Variants in FBXO11 observed in about 807,000 individuals in gnomAD.
The protein encoded by FBXO11 is F-box protein 11, also known as F-box only protein 11.
FBXO11 carries 13 observed loss-of-function variants against 117.0 expected under a neutral mutation model. The observed-to-expected ratio is 0.11, with a 90% CI of 0.07 to 0.18. FBXO11 has a LOEUF of 0.18. FBXO11 is among the 10% of genes least tolerant of loss of function. The pLI is 1.00. For synonymous variants in FBXO11, 490 were observed against 380.5 expected, an observed-to-expected ratio of 1.29 and a Z score of -3.35; for missense variants, 767 against 1,164.4, an observed-to-expected ratio of 0.66 and a Z score of 4.97.
At chr2:47,825,323 C>G (rs1030425721) in intron 11 of FBXO11, among the ~76,000 whole-genome samples, 7 of 151,866 alleles carry the variant, frequency 4.6e-5, no homozygotes, top group Non-Finnish European at 7.4e-5. Flanking sequence ...ATAGCGTCTT[C>G]AAATATAAAA....
At chr2:47,901,773 T>C (rs1024432339) in intron 1 of FBXO11, among the ~76,000 whole-genome samples, 1 of 151,986 alleles carries the variant, frequency 6.6e-6, no homozygotes, top group Non-Finnish European at 1.5e-5. Context: ...TCTAAAAAAA[T>C]TACAAAATAC....
chr2:47,822,082 T>C (rs1308757605), intron 13 of FBXO11, 136 bp downstream of exon 13: 8 of 654,826 alleles, frequency 1.2e-5, no homozygotes, highest in South Asian at 3.6e-5. Flanking sequence ...TAAGACCTCA[T>C]TTCTTTAAAA....
chr2:47,816,618 A>G (rs1187071543), intron 16 of FBXO11, among the ~76,000 whole-genome samples: 3 of 151,842 alleles, frequency 2.0e-5, no homozygotes, highest in Non-Finnish European at 4.4e-5. Flanking sequence ...TTACATACAA[A>G]GACTTAAAAA....
rs140531362 is a variant in FBXO11 at position 47,807,347 on chromosome 2, G to C, written c.*771C>G. 8.9e-5 allele frequency: 19 copies of C among 212,362 alleles called. No individual in the cohort carries two copies. The East Asian group carries it at 1.3e-3, about 15-fold the overall frequency. The allele number at this position is 212,362 out of a possible 1,614,324, so 13.2% of individuals were successfully genotyped here. On this transcript the variant is annotated 3_prime_UTR_variant, in exon 23 of 23. Transcript: ENST00000403359. ...GTTACAAGAATACTTTTGTTTTACA[G>C]TGCATCCCTTCCTAGGAAGTCTCAT...
At chr2:47,892,715 C>T (rs917846525) in intron 1 of FBXO11, among the ~76,000 whole-genome samples, 5 of 152,272 alleles carry the variant, frequency 3.3e-5, no homozygotes, top group South Asian at 2.1e-4. Context: ...TTAATTTAAA[C>T]CTGTCCTCCT....
intron 1 of FBXO11, among the ~76,000 whole-genome samples, chr2:47,846,442 G>C (rs1673417109): frequency 6.6e-6 from 1 of 152,066 alleles, no homozygotes. Flanking sequence ...ACTCCAGCCT[G>C]GGCAACAAAA....
chr2:47,841,335 C>T (rs1254628670), intron 1 of FBXO11, among the ~76,000 whole-genome samples: 1 of 152,146 alleles, frequency 6.6e-6, no homozygotes, highest in Non-Finnish European at 1.5e-5. Context: ...TAGAAACATT[C>T]CAGTAATGAA....
chr2:47,847,103 G>T (rs1185602492), intron 1 of FBXO11, among the ~76,000 whole-genome samples: 1 of 152,178 alleles, frequency 6.6e-6, no homozygotes, highest in African/African-American at 2.4e-5. Flanking sequence ...AAATCAGCCA[G>T]GTGTGGTGGT....
chr2:47,889,079 C>T (rs1339174388), intron 1 of FBXO11, among the ~76,000 whole-genome samples: 1 of 151,948 alleles, frequency 6.6e-6, no homozygotes, highest in Non-Finnish European at 1.5e-5. Flanking sequence ...GCTAGCAGTA[C>T]TTTTTTTTAT....
rs1484719602 is a variant in FBXO11, at chr2:47,808,202, T to C, written c.2700A>G (p.Thr900=). 20 of 1,613,520 alleles carry C rather than the reference T, an allele frequency of 1.2e-5. No homozygotes were observed. Among genetic ancestry groups the C allele is most frequent in the Non-Finnish European group, 1.7e-5 (20 of 1,179,872 alleles). ...TATCATGTGTAGGCTCACCAGCTAA[T>C]GTACAAGGATTAGACAGTGTTCCAG... The part of the protein sequence containing the change: ...CGAGTLSNPC[T]LAGEPTHDTD... Residue 900 remains threonine (T), a synonymous_variant, in exon 23 of 23, where the codon ACA becomes ACG. Coordinates refer to ENST00000403359, the MANE Select transcript of FBXO11 (RefSeq NM_001190274.2).
At position 47,905,704 on chromosome 2, in the gene FBXO11, G is replaced by A; in HGVS notation, c.17C>T (p.Ala6Val). The A allele has an allele frequency of 6.6e-7, 1 of 1,522,942 alleles. No homozygotes were observed. Among genetic ancestry groups the A allele is most frequent in the Non-Finnish European group, 8.8e-7 (1 of 1,137,448 alleles). 94.3% of individuals were successfully genotyped at this position (1,522,942 alleles called of 1,614,324 possible). A position where few individuals can be genotyped will look rare whatever the true frequency, so the allele number is the denominator to read the frequency against. Reference protein sequence around the residue: MNSVRAANRRPRRVSR... With the variant: MNSVRVANRRPRRVSR... The stretch of plus-strand genomic sequence containing the variant: ...CACTCGCCTGGGTCTCCGGTTGGCG[G>A]CTCGGACGGAGTTCATTTGCCGGGC... Residue 6 changes from alanine to valine, a missense_variant, in exon 1 of 23, where the codon GCC (alanine) becomes GTC (valine). Physicochemically the swap from Ala to Val is moderately conservative, Grantham distance 64 (BLOSUM62 0). Coordinates refer to ENST00000403359, the MANE Select transcript of FBXO11 (RefSeq NM_001190274.2).
chr2:47,829,221 C>G (rs1672001153), intron 11 of FBXO11, among the ~76,000 whole-genome samples: 1 of 151,396 alleles, frequency 6.6e-6, no homozygotes. Context: ...TTATTTGGCA[C>G]TGCTATGACA....
intron 1 of FBXO11, chr2:47,865,737 T>A (rs1020982134): frequency 3.9e-5 from 6 of 152,184 alleles, no homozygotes; most frequent in African/African-American, 1.4e-4. Context: ...GGAAACAACA[T>A]GGGATATTAT....
intron 1 of FBXO11, among the ~76,000 whole-genome samples, chr2:47,884,252 C>T (rs981272123): frequency 6.6e-6 from 1 of 152,090 alleles, no homozygotes; most frequent in Admixed American, 6.6e-5. Context: ...TTTAAAAATA[C>T]AGAGAAAAGC....
At chr2:47,889,944 T>C (rs1044294812) in intron 1 of FBXO11, among the ~76,000 whole-genome samples, 1 of 152,226 alleles carries the variant, frequency 6.6e-6, no homozygotes, top group Non-Finnish European at 1.5e-5. Context: ...TTTACTACCA[T>C]AATCAAATTA....
At chr2:47,827,258 CTTATTT>C (rs1442355576) in intron 11 of FBXO11, among the ~76,000 whole-genome samples, 1 of 152,120 alleles carries the variant, frequency 6.6e-6, no homozygotes, top group Non-Finnish European at 1.5e-5. Context: ...TGCAAGAAAA[CTTATTT>C]TTATTATGGA....
At chr2:47,888,186 A>C (rs1677009058) in intron 1 of FBXO11, among the ~76,000 whole-genome samples, 1 of 152,170 alleles carries the variant, frequency 6.6e-6, no homozygotes, top group South Asian at 2.1e-4. Context: ...GTAACCATAA[A>C]CAGATCAGTA....
chr2:47,813,387 C>G lies in FBXO11; in HGVS notation c.2084-10G>C, dbSNP rs780665551. ...TCTATACAGCCTAGACCTATAAATG[C>G]AAAAATGTAGGTTATCTAGAAGGTA... On this transcript the variant is annotated splice_polypyrimidine_tract_variant and intron_variant, in intron 17 of 22. Coordinates refer to ENST00000403359, the MANE Select transcript of FBXO11 (RefSeq NM_001190274.2). 1.4e-5 allele frequency: 20 copies of G among 1,408,240 alleles called. No individual in the cohort carries two copies. The highest frequency in any genetic ancestry group is 1.9e-5 in the Non-Finnish European group (20 of 1,038,362). 87.2% of individuals were successfully genotyped at this position (1,408,240 alleles called of 1,614,324 possible).
At position 47,905,157 on chromosome 2, in the gene FBXO11, T is replaced by C. The variant is rs1049297311; in HGVS notation, c.232+332A>G. On this transcript the variant is annotated intron_variant, in intron 1 of 22. Transcript: ENST00000403359. Reference sequence around the variant, plus strand: ...AAAGGGAGAAATCACGCCGCTCGCCTTCCCCCCGGCCACCAACAGACTCCC... The same window carrying C: ...AAAGGGAGAAATCACGCCGCTCGCCCTCCCCCCGGCCACCAACAGACTCCC... 1.5e-4 allele frequency: 28 copies of C among 188,262 alleles called. No homozygotes were observed. The East Asian group carries it at 3.9e-3, about 26-fold the overall frequency. The allele number at this position is 188,262 out of a possible 1,614,324, so 11.7% of individuals were successfully genotyped here.
Sources: gnomAD v4.1 joint callset for allele counts (sites outside exome capture counted in the v4.1 genomes callset) on GRCh38, gnomAD v4.1.1 for gene constraint, MANE v1.5 for transcripts, NCBI Gene and HGNC (gene_info 2026-07-23, HGNC 2026-07-21) for gene names.